Variants in ANKZF1 observed in about 807,000 individuals in gnomAD.
ANKZF1 encodes ankyrin repeat and zinc finger peptidyl tRNA hydrolase 1.
ANKZF1 carries 84 observed loss-of-function variants against 86.0 expected under a neutral mutation model. The observed-to-expected ratio is 0.98, with a 90% CI of 0.82 to 1.17. The LOEUF (loss-of-function observed/expected upper bound fraction) is 1.17. ANKZF1 is among the 50% of genes most tolerant of loss of function. The pLI, the probability that ANKZF1 is intolerant of heterozygous loss-of-function variation, is 0.00. For missense variants in ANKZF1, 893 were observed against 918.4 expected (o/e 0.97, Z 0.36); for synonymous variants, 331 against 354.2 (o/e 0.93, Z 0.74).
At chr2:219,233,678 G>A (rs774706933) in intron 7 of ANKZF1, 37 bp from the exon 8 acceptor site, 2 of 1,559,274 alleles carry the variant, frequency 1.3e-6, no homozygotes, top group East Asian at 2.3e-5. Context: ...TAAATAGCAA[G>A]TGAAGGTATG....
In ANKZF1 at chr2:219,233,277, T is replaced by C. The variant is rs752085334; in HGVS notation, c.672-9T>C. On this transcript the variant is annotated splice_polypyrimidine_tract_variant and intron_variant, in intron 6 of 13. Transcript: ENST00000323348. ...CTGGTCTCCAGTACTGAGTCTGTGC[T>C]GTCTACAGAAGAGAAGTGGTGACAC... The C allele has an allele frequency of 6.8e-6, 11 of 1,614,244 alleles. No individual in the cohort carries two copies. In the Admixed American group the frequency reaches 1.7e-4, roughly 24 times the overall value.
chr2:219,236,496 C>G lies in ANKZF1; in HGVS notation c.*51C>G, dbSNP rs776273566. 2 of 1,521,554 alleles carry G rather than the reference C, an allele frequency of 1.3e-6. No homozygotes were observed. The highest frequency in any genetic ancestry group is 1.8e-6 in the Non-Finnish European group (2 of 1,137,668). 94.3% of individuals were successfully genotyped at this position (1,521,554 alleles called of 1,614,324 possible). A position where few individuals can be genotyped will look rare whatever the true frequency, so the allele number is the denominator to read the frequency against. ...ACTCAGGGACCTGAGAGGGCACATTCACAGCAGCCCTAGGTTTTTTCTTCC... is the reference window on the plus strand; with the variant it reads ...ACTCAGGGACCTGAGAGGGCACATTGACAGCAGCCCTAGGTTTTTTCTTCC... On this transcript the variant is annotated 3_prime_UTR_variant, in exon 14 of 14. Coordinates refer to ENST00000323348, the MANE Select transcript of ANKZF1 (RefSeq NM_018089.3).
chr2:219,232,160 C>T (rs774897732), intron 3 of ANKZF1, 100 bp from the exon 4 acceptor site: 34 of 1,429,384 alleles, frequency 2.4e-5, no homozygotes, highest in Admixed American at 3.7e-5. Flanking sequence ...GTTGGTGTTA[C>T]CTGGTTGTAC....
intron 7 of ANKZF1, 59 bp downstream of exon 7, chr2:219,233,492 C>A: frequency 1.3e-6 from 2 of 1,512,470 alleles, no homozygotes; most frequent in South Asian, 2.6e-5. Context: ...CATCTCTGTT[C>A]AACTCACTGT....
intron 10 of ANKZF1, 61 bp from the exon 11 acceptor site, chr2:219,235,413 T>C: frequency 6.2e-7 from 1 of 1,606,678 alleles, no homozygotes; most frequent in Non-Finnish European, 8.5e-7. Flanking sequence ...TTGGTCTGGT[T>C]GGGTGATGTT....
chr2:219,230,196 G>A, intron 1 of ANKZF1, 32 bp from the exon 2 acceptor site: 1 of 1,571,964 alleles, frequency 6.4e-7, no homozygotes, highest in Non-Finnish European at 8.7e-7. Context: ...TCGTTTGCAG[G>A]AGCCCTGTTT....
chr2:219,233,258 TC>T (rs780480739), intron 6 of ANKZF1, 27 bp from the exon 7 acceptor site: 1 of 1,614,200 alleles, frequency 6.2e-7, no homozygotes, highest in South Asian at 1.1e-5. Context: ...CCAGCTGGTC[TC>T]CAGTACTGAG....
chr2:219,233,362 G>A lies in ANKZF1; in HGVS notation c.748G>A (p.Asp250Asn). The A allele has an allele frequency of 1.2e-6, 2 of 1,614,248 alleles. No homozygotes were observed. Among genetic ancestry groups the A allele is most frequent in the Non-Finnish European group, 1.7e-6 (2 of 1,180,048 alleles). Residue 250 changes from aspartate to asparagine, a missense_variant, in exon 7 of 14, where the codon GAT (aspartate) becomes AAT (asparagine). Transcript: ENST00000323348. ...AKRGTAQGLR[D>N]ARGGPSHSAG... is the part of the protein sequence containing the mutation. ...GCGGGGCACAGCCCAGGGGCTTCGGGATGCCCGAGGTGGGCCATCACACTC... is the reference window on the plus strand; with the variant it reads ...GCGGGGCACAGCCCAGGGGCTTCGGAATGCCCGAGGTGGGCCATCACACTC...
At chr2:219,232,954 T>C (rs1462534193) in intron 5 of ANKZF1, 125 bp from the exon 6 acceptor site, 2 of 1,001,096 alleles carry the variant, frequency 2.0e-6, no homozygotes, top group Non-Finnish European at 3.0e-6. Flanking sequence ...TTTCCTTGTT[T>C]GTCAAATGGA....
In ANKZF1 at chr2:219,236,615, C is replaced by G; in HGVS notation, c.*170C>G. 1.2e-6 allele frequency: 1 copy of G among 859,332 alleles called. No individual in the cohort carries two copies. The highest frequency in any genetic ancestry group is 1.7e-6 in the Non-Finnish European group (1 of 583,120). The allele number at this position is 859,332 out of a possible 1,614,324, so 53.2% of individuals were successfully genotyped here. A position where few individuals can be genotyped will look rare whatever the true frequency, so the allele number is the denominator to read the frequency against. On this transcript the variant is annotated 3_prime_UTR_variant, in exon 14 of 14. Transcript: ENST00000323348. ...TAGAGGTATGTGGAGCTGGTACTGT[C>G]TCTGGAATTTTAATCACAATAAAGT... is the stretch of plus-strand genomic sequence containing the variant.
chr2:219,234,511 C>T lies in ANKZF1; in HGVS notation c.1204+223C>T, dbSNP rs1042453575. On this transcript the variant is annotated intron_variant, in intron 9 of 13. Transcript: ENST00000323348. ...AGAAAATCTTTGTGTGGAGCAGATG[C>T]GTGGATGTGTTGCATGGATCTCACA... 2.0e-5 allele frequency: 13 copies of T among 663,856 alleles called. No homozygotes were observed. The highest frequency in any genetic ancestry group is 5.5e-5 in the African/African-American group (3 of 55,002). 41.1% of individuals were successfully genotyped at this position (663,856 alleles called of 1,614,324 possible). A position where few individuals can be genotyped will look rare whatever the true frequency, so the allele number is the denominator to read the frequency against.
Position 219,233,192 on chromosome 2 carries a change from GT to G in ANKZF1, c.671+2del. The G allele has an allele frequency of 6.2e-7, 1 of 1,614,206 alleles. No homozygotes were observed. The highest frequency in any genetic ancestry group is 8.5e-7 in the Non-Finnish European group (1 of 1,180,028). ...ACTTTGCTGGTGCTATATTTCAAGG[GT>G]GAGAGGGTGCTGCATGGGGGTAAGG... On this transcript the variant is annotated splice_donor_variant, in intron 6 of 13. Transcript: ENST00000323348. LOFTEE classifies it high-confidence loss of function.
chr2:219,232,178 A>G, intron 3 of ANKZF1, 82 bp from the exon 4 acceptor site: 1 of 1,475,524 alleles, frequency 6.8e-7, no homozygotes, highest in Non-Finnish European at 9.4e-7. Flanking sequence ...TACTTCCTAG[A>G]ATACTATAAC....
At chr2:219,233,588 T>C in intron 7 of ANKZF1, 127 bp from the exon 8 acceptor site, 1 of 1,399,668 alleles carries the variant, frequency 7.1e-7, no homozygotes. Context: ...GGAGCCTTAG[T>C]CCTCTATTCT....
rs998230443 is a variant in ANKZF1 at position 219,234,515 on chromosome 2, G to A, written c.1204+227G>A. ...AATCTTTGTGTGGAGCAGATGCGTG[G>A]ATGTGTTGCATGGATCTCACATAGT... On this transcript the variant is annotated intron_variant, in intron 9 of 13. Transcript: ENST00000323348. The A allele has an allele frequency of 1.1e-5, 7 of 658,678 alleles. No individual in the cohort carries two copies. The African/African-American group carries it at 1.3e-4, about 12-fold the overall frequency. The allele number at this position is 658,678 out of a possible 1,614,324, so 40.8% of individuals were successfully genotyped here.
chr2:219,230,101 A>C lies in ANKZF1; in HGVS notation c.-30-127A>C. Reference sequence around the variant, plus strand: ...GGACGGGGGCCAAGGTATTCATCTCACAGTTGGTAGCAGGATGAGAGACGA... The same window carrying C: ...GGACGGGGGCCAAGGTATTCATCTCCCAGTTGGTAGCAGGATGAGAGACGA... On this transcript the variant is annotated intron_variant, in intron 1 of 13. Coordinates refer to ENST00000323348, the MANE Select transcript of ANKZF1 (RefSeq NM_018089.3). 3 of 725,860 alleles carry C rather than the reference A, an allele frequency of 4.1e-6. No individual in the cohort carries two copies. In the East Asian group the frequency reaches 9.0e-5, roughly 22 times the overall value. The allele number at this position is 725,860 out of a possible 1,614,324, so 45.0% of individuals were successfully genotyped here. A position where few individuals can be genotyped will look rare whatever the true frequency, so the allele number is the denominator to read the frequency against.
chr2:219,232,468 A>G, intron 4 of ANKZF1, 22 bp from the exon 5 acceptor site: 3 of 1,613,130 alleles, frequency 1.9e-6, no homozygotes, highest in Non-Finnish European at 2.5e-6. Flanking sequence ...AAACTTGTGT[A>G]TCTCATATTG....
intron 5 of ANKZF1, 102 bp from the exon 6 acceptor site, chr2:219,232,977 G>T: frequency 1.8e-6 from 2 of 1,133,758 alleles, no homozygotes; most frequent in African/African-American, 1.5e-5. Flanking sequence ...CAAGCCTCAG[G>T]GTGGTAATAT....
chr2:219,234,408 CT>C, intron 9 of ANKZF1, 120 bp downstream of exon 9: 1 of 1,255,828 alleles, frequency 8.0e-7, no homozygotes, highest in Non-Finnish European at 1.2e-6. Flanking sequence ...CAGTGTCTAT[CT>C]TAGCAATTAC....
Sources: allele counts gnomAD v4.1 joint callset, GRCh38; gene constraint gnomAD v4.1.1; transcripts MANE v1.5; gene names NCBI Gene and HGNC (gene_info 2026-07-23, HGNC 2026-07-21).